Variants in ARFGEF3 observed in about 807,000 individuals in gnomAD.
ARFGEF3 encodes brefeldin A-inhibited guanine nucleotide-exchange protein 3.
ARFGEF3 carries 96 observed loss-of-function variants against 221.7 expected under a neutral mutation model. The ratio of observed to expected loss-of-function variants is 0.43; its 90% CI spans 0.37 to 0.51. The LOEUF is 0.51. Ranked by LOEUF, ARFGEF3 falls within the 20% of genes least tolerant of loss-of-function variation. The pLI, the probability that ARFGEF3 is intolerant of heterozygous loss-of-function variation, is 0.00. For synonymous variants in ARFGEF3, 1,145 were observed against 1,126.8 expected (o/e 1.02, Z -0.32); for missense variants, 2,410 against 2,789.9 (o/e 0.86, Z 3.07).
rs923755824 is a variant in ARFGEF3, at chr6:138,340,514, C to A, written c.*4028C>A. 6.6e-6 allele frequency: 1 copy of A among 152,138 alleles called. No homozygotes were observed. The highest frequency in any genetic ancestry group is 2.4e-5 in the African/African-American group (1 of 41,434). 9.4% of individuals were successfully genotyped at this position (152,138 alleles called of 1,614,324 possible). A position where few individuals can be genotyped will look rare whatever the true frequency, so the allele number is the denominator to read the frequency against. On this transcript the variant is annotated 3_prime_UTR_variant, in exon 34 of 34. Coordinates refer to ENST00000251691, the MANE Select transcript of ARFGEF3 (RefSeq NM_020340.5). ...TTAGTATCAGTCCCATCAAGCCAAA[C>A]AGAATGAAGACCTTTGATAGTAATA...
intron 19 of ARFGEF3, among the ~76,000 whole-genome samples, chr6:138,293,496 T>C (rs1360253366): frequency 6.6e-6 from 1 of 152,210 alleles, no homozygotes; most frequent in Non-Finnish European, 1.5e-5. Flanking sequence ...CCTTTGGGTG[T>C]GTATGAGGCC....
chr6:138,168,534 C>T (rs1200296007), intron 1 of ARFGEF3, among the ~76,000 whole-genome samples: 4 of 152,172 alleles, frequency 2.6e-5, no homozygotes, highest in African/African-American at 7.2e-5. Flanking sequence ...GACAGGGTCT[C>T]TCAGGATACT....
In ARFGEF3 at chr6:138,340,217, G is replaced by T. The variant is rs1037076768; in HGVS notation, c.*3731G>T. On this transcript the variant is annotated 3_prime_UTR_variant, in exon 34 of 34. Transcript: ENST00000251691. The stretch of plus-strand genomic sequence containing the variant: ...AGCATGGGTGACAAAGTGAGACTTC[G>T]TCTCAAGTAAATAAAACTAAAATTT... 6.6e-6 allele frequency: 1 copy of T among 152,186 alleles called. No individual in the cohort carries two copies. 9.4% of individuals were successfully genotyped at this position (152,186 alleles called of 1,614,324 possible).
chr6:138,322,832 T>TACA (rs1321926487), intron 29 of ARFGEF3, among the ~76,000 whole-genome samples: 1 of 151,144 alleles, frequency 6.6e-6, no homozygotes, highest in African/African-American at 2.4e-5. Flanking sequence ...TTCTGTCATT[T>TACA]ACAACAACAT....
At chr6:138,328,821 T>A (rs1022211400) in intron 32 of ARFGEF3, among the ~76,000 whole-genome samples, 1 of 152,066 alleles carries the variant, frequency 6.6e-6, no homozygotes, top group Non-Finnish European at 1.5e-5. Context: ...AAGAGCCATC[T>A]CTACAAAAAA....
In ARFGEF3 at chr6:138,252,112, T is replaced by C. The variant is rs115763273; in HGVS notation, c.666-1768T>C. Among the ~76,000 whole-genome samples the C allele has an allele frequency of 3.8e-3, 573 of 152,262 alleles. 3 individuals carry two copies. The highest frequency in any genetic ancestry group is 0.013 in the African/African-American group (541 of 41,548). On this transcript the variant is annotated intron_variant, in intron 8 of 33. Transcript: ENST00000251691. ...AGACTCAGCCTTTCCCCATTTCTTCTTCCACCCTCAAAGGGCGTGGTAGAC... is the reference window on the plus strand; with the variant it reads ...AGACTCAGCCTTTCCCCATTTCTTCCTCCACCCTCAAAGGGCGTGGTAGAC...
chr6:138,311,316 G>A, intron 24 of ARFGEF3, 91 bp from the exon 25 acceptor site: 2 of 721,954 alleles, frequency 2.8e-6, no homozygotes, highest in African/African-American at 1.8e-5. Flanking sequence ...GATATTTGGT[G>A]TACTAGTGCT....
chr6:138,227,306 CGA>C (rs1316972564), intron 4 of ARFGEF3, among the ~76,000 whole-genome samples: 1 of 152,148 alleles, frequency 6.6e-6, no homozygotes, highest in Non-Finnish European at 1.5e-5. Flanking sequence ...AACACCCTTA[CGA>C]AGACCTCACC....
intron 2 of ARFGEF3, among the ~76,000 whole-genome samples, chr6:138,194,989 A>ATTTTTTTTTTTTTTTTTTTTT (rs747099029): frequency 7.1e-5 from 6 of 84,116 alleles, no homozygotes; most frequent in South Asian, 4.5e-4. Flanking sequence ...CTTTTCCCTA[A>ATTTTTTTTTTTTTTTTTTTTT]TTTTTTTTTT....
At chr6:138,283,708 AG>A (rs1467330970) in intron 14 of ARFGEF3, among the ~76,000 whole-genome samples, 2 of 152,230 alleles carry the variant, frequency 1.3e-5, no homozygotes, top group Non-Finnish European at 2.9e-5. Flanking sequence ...CACAGAAATA[AG>A]CTTTGCATTA....
In ARFGEF3 at chr6:138,289,960, C is replaced by T. The variant is rs777578890; in HGVS notation, c.3039C>T (p.His1013=). The T allele has an allele frequency of 4.5e-5, 73 of 1,610,776 alleles. No homozygotes were observed. The highest frequency in any genetic ancestry group is 3.4e-4 in the Middle Eastern group (2 of 5,918). Reference sequence around the variant, plus strand: ...GCCACAACCCGGACTGCTGGCCACACGTGTTCAGGTGCATGACGGGCTCCC... The same window carrying T: ...GCCACAACCCGGACTGCTGGCCACATGTGTTCAGGTGCATGACGGGCTCCC... ...MGSHNPDCWP[H]VFRVCEYVGT... is the part of the protein sequence containing the mutation. Residue 1013 remains histidine, a synonymous_variant, in exon 18 of 34, where the codon CAC becomes CAT. Coordinates refer to ENST00000251691, the MANE Select transcript of ARFGEF3 (RefSeq NM_020340.5).
At chr6:138,190,073 G>T in intron 2 of ARFGEF3, among the ~76,000 whole-genome samples, 1 of 151,938 alleles carries the variant, frequency 6.6e-6, no homozygotes, top group East Asian at 1.9e-4. Context: ...AACAGGACAA[G>T]ATTCTGTCTC....
rs547154814 is a variant in ARFGEF3, at chr6:138,287,914, C to A, written c.2896+730C>A. Among the ~76,000 whole-genome samples the A allele has an allele frequency of 3.9e-4, 59 of 152,146 alleles. No individual in the cohort carries two copies. The South Asian group carries it at 0.012, about 30-fold the overall frequency. ...CTCAGACTTGAATAAAATTTAGAGA[C>A]CCATTTGAAAACAAAATCGCTCTCA... On this transcript the variant is annotated intron_variant, in intron 17 of 33. Transcript: ENST00000251691.
Position 138,292,060 on chromosome 6 carries a change from G to T in ARFGEF3, c.3368+7G>T. 1 of 1,411,510 alleles carries T rather than the reference G, an allele frequency of 7.1e-7. No homozygotes were observed. Among genetic ancestry groups the T allele is most frequent in the Non-Finnish European group, 9.2e-7 (1 of 1,085,622 alleles). The allele number at this position is 1,411,510 out of a possible 1,614,324, so 87.4% of individuals were successfully genotyped here. On this transcript the variant is annotated splice_region_variant and intron_variant, in intron 19 of 33. Transcript: ENST00000251691. ...TCTCCACGCAAGCCGACAGGTGCGCGGCGCCGGCCTCCCACGCCCCGGGAG... is the reference window on the plus strand; with the variant it reads ...TCTCCACGCAAGCCGACAGGTGCGCTGCGCCGGCCTCCCACGCCCCGGGAG...
intron 17 of ARFGEF3, among the ~76,000 whole-genome samples, chr6:138,288,758 ATTAGGAGATGGT>A (rs1465948825): frequency 6.6e-6 from 1 of 152,140 alleles, no homozygotes; most frequent in Non-Finnish European, 1.5e-5. Flanking sequence ...TGCTCCTTAC[ATTAGGAGATGGT>A]TTGGATTCCT....
In ARFGEF3 at chr6:138,334,129, C is replaced by T. The variant is rs1780276963; in HGVS notation, c.5283C>T (p.Tyr1761=). Residue 1761 remains tyrosine (Y), a synonymous_variant, in exon 33 of 34, where the codon TAC becomes TAT. Coordinates refer to ENST00000251691, the MANE Select transcript of ARFGEF3 (RefSeq NM_020340.5). This position sits in a 1 kb window ranked among gnomAD's most constrained non-coding sequence, Gnocchi z 5.1. ...CCAAGCTGGCTGGCTTCCTCAGATA[C>T]ATCTCTATGCAGAACTTGGCAGTCA... ...PEAKLAGFLR[Y]ISMQNLAVIF... 2 of 1,613,932 alleles carry T rather than the reference C, an allele frequency of 1.2e-6. No homozygotes were observed. Among genetic ancestry groups the T allele is most frequent in the Non-Finnish European group, 1.7e-6 (2 of 1,179,876 alleles).
chr6:138,310,103 A>G (rs1583061026), intron 24 of ARFGEF3, among the ~76,000 whole-genome samples: 1 of 152,222 alleles, frequency 6.6e-6, no homozygotes, highest in Non-Finnish European at 1.5e-5. Flanking sequence ...GCCTGGGATC[A>G]GTGGAAAAGG....
chr6:138,167,544 A>G (rs1582991348), intron 1 of ARFGEF3, among the ~76,000 whole-genome samples: 1 of 152,174 alleles, frequency 6.6e-6, no homozygotes, highest in Non-Finnish European at 1.5e-5. Context: ...TCACCTGTCC[A>G]GTTGCATTGA....
At chr6:138,258,408 G>C (rs1481915523) in intron 10 of ARFGEF3, among the ~76,000 whole-genome samples, 2 of 152,154 alleles carry the variant, frequency 1.3e-5, no homozygotes, top group Non-Finnish European at 2.9e-5. Flanking sequence ...CTGAGGCTCT[G>C]GGGGGAGAAG....
Sources: gnomAD v4.1 joint callset for allele counts (sites outside exome capture counted in the v4.1 genomes callset) on GRCh38, gnomAD v4.1.1 for gene constraint, Gnocchi (gnomAD v3.1) non-coding constraint, MANE v1.5 for transcripts, NCBI Gene and HGNC (gene_info 2026-07-23, HGNC 2026-07-21) for gene names.